The following PAK3 variants were observed in gnomAD, a reference collection of about 807,000 sequenced individuals.
PAK3 encodes p21 (RAC1) activated kinase 3.
In PAK3, 4 loss-of-function variants were observed where a neutral mutation model predicts 41.0. The observed-to-expected ratio is 0.10, with a 90% confidence interval of 0.05 to 0.22. The LOEUF (loss-of-function observed/expected upper bound fraction) is 0.22, where lower values mean the gene tolerates loss of function less well. Among genes scored for constraint, PAK3 ranks in the 10% least tolerant of loss-of-function variants. The pLI is 1.00. For missense variants in PAK3, 205 were observed against 409.9 expected, an observed-to-expected ratio of 0.50 and a Z score of 4.32; for synonymous variants, 146 against 139.6, an observed-to-expected ratio of 1.05 and a Z score of -0.32.
chrX:111,144,826 C>T (rs757406889), intron 6 of PAK3: 6 of 883,497 alleles, frequency 6.8e-6, no homozygotes, highest in Admixed American at 2.7e-5. Flanking sequence ...AGTCCTCATC[C>T]TTTATATTGC....
At chrX:111,084,646 T>C (rs1331408976) in intron 1 of PAK3, among the ~76,000 whole-genome samples, 1 of 112,210 alleles carries the variant, frequency 8.9e-6, no homozygotes, top group East Asian at 2.8e-4. Flanking sequence ...TTTTTCTAGT[T>C]AAGCAGAGTA....
intron 1 of PAK3, among the ~76,000 whole-genome samples, chrX:110,959,032 A>T (rs1280034014): frequency 8.9e-6 from 1 of 112,180 alleles, no homozygotes; most frequent in African/African-American, 3.2e-5. Context: ...CCTTTTGAAT[A>T]ACTCCTGCCA....
chrX:111,134,838 C>T (rs1167134667), intron 5 of PAK3, among the ~76,000 whole-genome samples: 1 of 111,133 alleles, frequency 9.0e-6, no homozygotes, highest in Non-Finnish European at 1.9e-5. Context: ...GCATGACACG[C>T]TCTTAGTTGA....
At chrX:110,948,311 G>T (rs1285618753) in intron 1 of PAK3, among the ~76,000 whole-genome samples, 1 of 111,800 alleles carries the variant, frequency 8.9e-6, no homozygotes, top group East Asian at 2.8e-4. Context: ...TTGGAAAGTT[G>T]CTTTTATCCT....
At chrX:111,188,854 G>A (rs781021808) in intron 11 of PAK3, among the ~76,000 whole-genome samples, 41 of 112,214 alleles carry the variant, frequency 3.7e-4, no homozygotes, top group Non-Finnish European at 6.4e-4. Context: ...TCACTCTTTT[G>A]CATCTAAAGG....
intron 1 of PAK3, among the ~76,000 whole-genome samples, chrX:111,088,509 G>A (rs1207475081): frequency 1.8e-5 from 2 of 111,789 alleles, no homozygotes; most frequent in African/African-American, 3.3e-5. Flanking sequence ...CATCTGTTAT[G>A]TATATCATAC....
At chrX:111,171,940 T>A (rs1181727095) in intron 10 of PAK3, among the ~76,000 whole-genome samples, 1 of 111,829 alleles carries the variant, frequency 8.9e-6, no homozygotes, top group African/African-American at 3.2e-5. Flanking sequence ...TGGAAATATA[T>A]GTTTTGAACA....
intron 4 of PAK3, among the ~76,000 whole-genome samples, chrX:111,116,701 A>T (rs1159654093): frequency 8.9e-6 from 1 of 111,966 alleles, no homozygotes; most frequent in East Asian, 2.8e-4. Context: ...GAAGTCACTC[A>T]TAAAAATGTT....
At chrX:111,124,226 G>C (rs758622250) in intron 5 of PAK3, among the ~76,000 whole-genome samples, 5 of 112,253 alleles carry the variant, frequency 4.5e-5, no homozygotes, top group African/African-American at 1.6e-4. Context: ...TAACTTAAAA[G>C]ATGCTTTGTT....
intron 1 of PAK3, among the ~76,000 whole-genome samples, chrX:111,031,536 A>G (rs1281095288): frequency 8.9e-6 from 1 of 111,912 alleles, no homozygotes; most frequent in East Asian, 2.8e-4. Context: ...ACAAAATCAG[A>G]GGTGGGAGCA....
intron 1 of PAK3, among the ~76,000 whole-genome samples, chrX:111,031,560 T>A (rs938171818): frequency 3.6e-5 from 4 of 111,759 alleles, no homozygotes; most frequent in Admixed American, 1.9e-4. Flanking sequence ...TTTCCTTTAT[T>A]GTTATTTGTT....
At chrX:111,009,211 T>C (rs1602758253) in intron 1 of PAK3, among the ~76,000 whole-genome samples, 1 of 111,501 alleles carries the variant, frequency 9.0e-6, no homozygotes, top group East Asian at 2.8e-4. Flanking sequence ...TTGTCACTAT[T>C]CCATACCTCT....
chrX:111,099,262 C>A (rs1338416298), intron 3 of PAK3, among the ~76,000 whole-genome samples: 2 of 112,111 alleles, frequency 1.8e-5, no homozygotes, highest in African/African-American at 6.5e-5. Context: ...CACTAATACA[C>A]ACAGCCTAAC....
chrX:111,052,003 G>A (rs997411216), intron 1 of PAK3, among the ~76,000 whole-genome samples: 3 of 112,215 alleles, frequency 2.7e-5, no homozygotes, highest in African/African-American at 9.7e-5. Flanking sequence ...CGGGAAGCCT[G>A]GAAGATAAGT....
In PAK3 at chrX:111,048,968, G is replaced by A. The variant is rs183902449; in HGVS notation, c.-27-74109G>A. Among the ~76,000 whole-genome samples the A allele has an allele frequency of 2.6e-3, 292 of 111,761 alleles. 1 individual carries two copies. Among genetic ancestry groups the A allele is most frequent in the African/African-American group, 8.6e-3 (266 of 30,842 alleles). Reference sequence around the variant, plus strand: ...TGCAATTAAAATTCAAACTCCTTCCGATGGTTTACAAGGGCCCTGCGGGAT... The same window carrying A: ...TGCAATTAAAATTCAAACTCCTTCCAATGGTTTACAAGGGCCCTGCGGGAT... On this transcript the variant is annotated intron_variant, in intron 1 of 14. Coordinates refer to the PAK3 transcript ENST00000425146.
chrX:111,204,386 C>T (rs988615914), intron 16 of PAK3, among the ~76,000 whole-genome samples: 1 of 111,120 alleles, frequency 9.0e-6, no homozygotes, highest in African/African-American at 3.3e-5. Context: ...GATGCATATG[C>T]TGATTGCCCT....
intron 1 of PAK3, among the ~76,000 whole-genome samples, chrX:111,044,947 T>G (rs746395836): frequency 1.8e-5 from 2 of 111,911 alleles, no homozygotes; most frequent in South Asian, 7.5e-4. Flanking sequence ...GGCTGGGAGA[T>G]GAAAGTTTCA....
At chrX:111,021,296 G>T (rs1380099804) in intron 1 of PAK3, among the ~76,000 whole-genome samples, 1 of 111,874 alleles carries the variant, frequency 8.9e-6, no homozygotes, top group Non-Finnish European at 1.9e-5. Context: ...TTACTCCCCT[G>T]CTACCTCCAC....
intron 4 of PAK3, among the ~76,000 whole-genome samples, chrX:111,112,861 C>T (rs1288263230): frequency 1.8e-5 from 2 of 111,378 alleles, no homozygotes; most frequent in Non-Finnish European, 1.9e-5. Context: ...TTTCTTTTTC[C>T]GAGTGTTATG....
Sources: allele counts gnomAD v4.1 joint callset (sites outside exome capture counted in the v4.1 genomes callset), GRCh38; gene constraint gnomAD v4.1.1; transcripts MANE v1.5; gene names NCBI Gene and HGNC (gene_info 2026-07-23, HGNC 2026-07-21).